The following LRP1B variants were observed in gnomAD, a reference collection of about 807,000 sequenced individuals.
The protein encoded by LRP1B is low-density lipoprotein receptor-related protein 1B.
Under a neutral mutation model 556.6 loss-of-function variants are expected in LRP1B, and 217 were observed. That is an observed-to-expected ratio of 0.39 (90% CI 0.35 to 0.44). The LOEUF is 0.44. LRP1B is among the 20% of genes least tolerant of loss of function. The pLI is 1.00. For synonymous variants in LRP1B, 2,047 were observed against 1,865.8 expected (o/e 1.10, Z -2.50); for missense variants, 5,053 against 5,620.8 (o/e 0.90, Z 3.23).
chr2:142,012,415 T>G (rs1226391181), intron 1 of LRP1B, among the ~76,000 whole-genome samples: 3 of 152,160 alleles, frequency 2.0e-5, no homozygotes, highest in Non-Finnish European at 4.4e-5. Flanking sequence ...CATATTATGA[T>G]CTGATAGGTG....
chr2:140,525,402 A>G (rs1389323235), intron 49 of LRP1B, among the ~76,000 whole-genome samples: 4 of 151,426 alleles, frequency 2.6e-5, no homozygotes, highest in Non-Finnish European at 1.5e-5. Context: ...AATAATGATT[A>G]TAACTATTAC....
intron 1 of LRP1B, among the ~76,000 whole-genome samples, chr2:141,961,762 T>A (rs1701409755): frequency 6.6e-6 from 1 of 151,754 alleles, no homozygotes; most frequent in Non-Finnish European, 1.5e-5. Flanking sequence ...GTGTAATGTA[T>A]ATTTGCCTTT....
At chr2:140,458,143 T>G (rs1290850916) in intron 60 of LRP1B, among the ~76,000 whole-genome samples, 1 of 152,120 alleles carries the variant, frequency 6.6e-6, no homozygotes, top group Non-Finnish European at 1.5e-5. Context: ...GTCTACTACC[T>G]GGAAATAAAG....
At chr2:140,272,500 G>GA (rs1199842560) in intron 85 of LRP1B, among the ~76,000 whole-genome samples, 2 of 151,938 alleles carry the variant, frequency 1.3e-5, no homozygotes, top group East Asian at 3.9e-4. Context: ...CACTGTACTT[G>GA]ATAGAGTACC....
intron 7 of LRP1B, among the ~76,000 whole-genome samples, chr2:141,098,679 C>T (rs184856087): frequency 1.3e-3 from 195 of 151,052 alleles, no homozygotes; most frequent in African/African-American, 4.3e-3. Flanking sequence ...GATTTGGAGA[C>T]GGAGTTTCAC....
chr2:141,259,230 T>G (rs1684597259), intron 3 of LRP1B, among the ~76,000 whole-genome samples: 1 of 152,186 alleles, frequency 6.6e-6, no homozygotes, highest in South Asian at 2.1e-4. Context: ...TCACCACTTA[T>G]CTTGTTTTCT....
intron 1 of LRP1B, among the ~76,000 whole-genome samples, chr2:141,917,923 G>T (rs1438190678): frequency 6.6e-6 from 1 of 152,102 alleles, no homozygotes; most frequent in African/African-American, 2.4e-5. Context: ...ACAAGAAACA[G>T]CTAACATGTC....
rs193124451 is a variant in LRP1B, at chr2:141,049,296, T to C, written c.1553-74A>G. ...CTTTACACTGCATAATGCCACCGTT[T>C]AACTGGCACAATTAGCGTTTTTTAA... On this transcript the variant is annotated intron_variant, in intron 10 of 90. Coordinates refer to ENST00000389484, the MANE Select transcript of LRP1B (RefSeq NM_018557.3). 2.0e-4 allele frequency: 189 copies of C among 928,636 alleles called. No individual in the cohort carries two copies. In the African/African-American group the frequency reaches 2.9e-3, roughly 14 times the overall value. The allele number at this position is 928,636 out of a possible 1,614,324, so 57.5% of individuals were successfully genotyped here. A position where few individuals can be genotyped will look rare whatever the true frequency, so the allele number is the denominator to read the frequency against.
At chr2:140,696,101 T>G (rs887506124) in intron 41 of LRP1B, among the ~76,000 whole-genome samples, 12 of 152,168 alleles carry the variant, frequency 7.9e-5, no homozygotes, top group Admixed American at 1.3e-4. Context: ...AAAATAATTT[T>G]GGGTAACAAG....
intron 40 of LRP1B, among the ~76,000 whole-genome samples, chr2:140,701,484 G>A (rs1437236673): frequency 6.6e-6 from 1 of 151,978 alleles, no homozygotes; most frequent in Non-Finnish European, 1.5e-5. Context: ...ATCAAGACAT[G>A]CCAGGTATGT....
At chr2:141,258,189 G>A (rs1271086865) in intron 3 of LRP1B, among the ~76,000 whole-genome samples, 1 of 152,132 alleles carries the variant, frequency 6.6e-6, no homozygotes, top group African/African-American at 2.4e-5. Flanking sequence ...CTTTTGATTA[G>A]AAGAGAGAAG....
intron 1 of LRP1B, among the ~76,000 whole-genome samples, chr2:141,901,390 A>G (rs958471735): frequency 6.6e-6 from 1 of 152,036 alleles, no homozygotes; most frequent in Non-Finnish European, 1.5e-5. Flanking sequence ...GCAAAATTAG[A>G]TGGTGTCACC....
At chr2:141,406,558 CTATCTAT>C (rs1376702516) in intron 3 of LRP1B, among the ~76,000 whole-genome samples, 3 of 150,304 alleles carry the variant, frequency 2.0e-5, no homozygotes, top group Non-Finnish European at 4.4e-5. Flanking sequence ...ATCTATCTAT[CTATCTAT>C]CTATCTATCT....
At chr2:141,159,665 C>T (rs964837353) in intron 7 of LRP1B, among the ~76,000 whole-genome samples, 1 of 152,074 alleles carries the variant, frequency 6.6e-6, no homozygotes, top group African/African-American at 2.4e-5. Flanking sequence ...TATTAACATG[C>T]TTAAAAAGTA....
chr2:141,947,733 T>C (rs973790967), intron 1 of LRP1B, among the ~76,000 whole-genome samples: 1 of 151,910 alleles, frequency 6.6e-6, no homozygotes, highest in African/African-American at 2.4e-5. Flanking sequence ...TCTGGTGAAG[T>C]GTTTATTTAT....
At chr2:141,442,738 G>C (rs557609726) in intron 3 of LRP1B, among the ~76,000 whole-genome samples, 90 of 152,218 alleles carry the variant, frequency 5.9e-4, no homozygotes, top group Middle Eastern at 3.4e-3. Context: ...CTTCGTCCAT[G>C]TCCCTGCAAA....
intron 3 of LRP1B, among the ~76,000 whole-genome samples, chr2:141,407,214 C>G (rs1479001988): frequency 6.6e-6 from 1 of 152,130 alleles, no homozygotes; most frequent in African/African-American, 2.4e-5. Context: ...CTCCCCATTA[C>G]TTTACCAGCC....
chr2:141,193,774 T>TAA (rs531545490), intron 6 of LRP1B, among the ~76,000 whole-genome samples: 1 of 147,850 alleles, frequency 6.8e-6, no homozygotes, highest in African/African-American at 2.5e-5. Flanking sequence ...AAATCTTGCT[T>TAA]AAAAAAAAAA....
At chr2:140,617,137 T>C (rs1291147566) in intron 41 of LRP1B, among the ~76,000 whole-genome samples, 1 of 151,974 alleles carries the variant, frequency 6.6e-6, no homozygotes, top group Non-Finnish European at 1.5e-5. Context: ...TAAGAGTTTA[T>C]GCTATTTAAT....
Sources: gnomAD v4.1 joint callset for allele counts (sites outside exome capture counted in the v4.1 genomes callset) on GRCh38, gnomAD v4.1.1 for gene constraint, MANE v1.5 for transcripts, NCBI Gene and HGNC (gene_info 2026-07-23, HGNC 2026-07-21) for gene names.